The following DCAF13 variants were observed in gnomAD, a reference collection of about 807,000 sequenced individuals.
DCAF13 encodes DDB1- and CUL4-associated factor 13.
DCAF13 carries 38 observed loss-of-function variants against 59.0 expected under a neutral mutation model. The observed-to-expected ratio is 0.64, with a 90% confidence interval of 0.50 to 0.84. The LOEUF (loss-of-function observed/expected upper bound fraction) is 0.84, where lower values mean the gene tolerates loss of function less well. Ranked by LOEUF, DCAF13 falls within the 40% of genes least tolerant of loss-of-function variation. The pLI is 0.00. For missense variants in DCAF13, 469 were observed against 558.4 expected (o/e 0.84, Z 1.61); for synonymous variants, 173 against 175.0 (o/e 0.99, Z 0.09).
At chr8:103,425,701 C>T (rs957331278) in intron 3 of DCAF13, among the ~76,000 whole-genome samples, 1 of 152,116 alleles carries the variant, frequency 6.6e-6, no homozygotes, top group African/African-American at 2.4e-5. Flanking sequence ...CATAAGGCAT[C>T]AAATTGGCTC....
intron 8 of DCAF13, among the ~76,000 whole-genome samples, chr8:103,438,332 A>G (rs1816961223): frequency 6.6e-6 from 1 of 152,308 alleles, no homozygotes; most frequent in Non-Finnish European, 1.5e-5. Flanking sequence ...CTCTCTTTTA[A>G]AAATGAATTT....
chr8:103,430,742 T>A, intron 6 of DCAF13, 53 bp downstream of exon 6: 1 of 1,313,084 alleles, frequency 7.6e-7, no homozygotes, highest in Non-Finnish European at 1.1e-6. Context: ...TATATTTCTC[T>A]GTAAATAGAG....
At chr8:103,420,145 G>A in intron 1 of DCAF13, 119 bp from the exon 2 acceptor site, 1 of 866,700 alleles carries the variant, frequency 1.2e-6, no homozygotes, top group Non-Finnish European at 1.8e-6. Context: ...TGTATTCTTA[G>A]TGTTAGGCAT....
In DCAF13 at chr8:103,441,533, C is replaced by T. The variant is rs560959426; in HGVS notation, c.1165C>T (p.Arg389Cys). ...EKFQHYPHIK[R>C]IARHRHLPKS... is the part of the protein sequence containing the mutation. ...ATTTCAGCATTATCCTCATATAAAA[C>T]GTATAGCTCGTCATCGACATCTACC... The change falls in exon 10 of 11, where the codon CGT (arginine) becomes TGT (cysteine). Residue 389 changes from arginine (R) to cysteine (C), a missense_variant. Transcript: ENST00000612750. 9.3e-6 allele frequency: 15 copies of T among 1,608,512 alleles called. No homozygotes were observed. Among genetic ancestry groups the T allele is most frequent in the African/African-American group, 1.3e-5 (1 of 74,498 alleles).
Position 103,441,500 on chromosome 8 carries a change from A to T in DCAF13, c.1132A>T (p.Lys378Ter), listed in dbSNP as rs1057329310. 6.2e-7 allele frequency: 1 copy of T among 1,600,092 alleles called. No individual in the cohort carries two copies. The highest frequency in any genetic ancestry group is 1.4e-5 in the African/African-American group (1 of 73,992). Residue 378 changes from lysine to a stop codon, truncating the protein, a stop_gained, in exon 10 of 11, where the codon AAG (lysine) becomes TAG (stop). Transcript: ENST00000612750. LOFTEE classifies it high-confidence loss of function. ...KAAKDYNQKL[K>*]EKFQHYPHIK... is the part of the protein sequence containing the mutation. The stretch of plus-strand genomic sequence containing the variant: ...AGCCAAGGATTATAACCAGAAATTG[A>T]AGGAGAAATTTCAGCATTATCCTCA...
At chr8:103,434,160 T>G (rs1184841664) in intron 7 of DCAF13, among the ~76,000 whole-genome samples, 1 of 152,080 alleles carries the variant, frequency 6.6e-6, no homozygotes, top group African/African-American at 2.4e-5. Flanking sequence ...TTTATTGCCC[T>G]TTAGATATTC....
At chr8:103,416,855 T>C (rs1293512950) in intron 1 of DCAF13, among the ~76,000 whole-genome samples, 3 of 152,236 alleles carry the variant, frequency 2.0e-5, no homozygotes, top group Admixed American at 1.3e-4. Context: ...AGAAACAAAA[T>C]GATCTATCTT....
At chr8:103,441,647 C>T in intron 10 of DCAF13, 29 bp downstream of exon 10, 1 of 1,600,970 alleles carries the variant, frequency 6.2e-7, no homozygotes, top group Non-Finnish European at 8.5e-7. Context: ...GACTCTATTA[C>T]CCTTTTCTGA....
chr8:103,440,208 G>T lies in DCAF13; in HGVS notation c.1023G>T (p.Met341Ile), dbSNP rs200528280. Residue 341 changes from methionine to isoleucine, a missense_variant, in exon 9 of 11, where the codon ATG becomes ATT. Coordinates refer to ENST00000612750, the MANE Select transcript of DCAF13 (RefSeq NM_015420.7). The stretch of plus-strand genomic sequence containing the variant: ...GGACTTCTGACAGCAAGTATATTAT[G>T]TGTGGATCTGATGAAATGAACATTC... ...VKWTSDSKYI[M>I]CGSDEMNIRL... The T allele has an allele frequency of 6.2e-7, 1 of 1,605,338 alleles. No homozygotes were observed. Among genetic ancestry groups the T allele is most frequent in the South Asian group, 1.1e-5 (1 of 89,634 alleles).
intron 4 of DCAF13, among the ~76,000 whole-genome samples, chr8:103,426,807 A>T (rs1038554838): frequency 6.6e-6 from 1 of 152,106 alleles, no homozygotes; most frequent in Non-Finnish European, 1.5e-5. Context: ...TTAGGTTTCA[A>T]GAAGACTAAA....
intron 2 of DCAF13, 21 bp downstream of exon 2, chr8:103,420,484 T>C: frequency 6.3e-7 from 1 of 1,599,582 alleles, no homozygotes; most frequent in Non-Finnish European, 8.5e-7. Flanking sequence ...ATCTAGATGA[T>C]ATTTTCAACT....
chr8:103,423,834 A>G (rs1816754316), intron 3 of DCAF13, among the ~76,000 whole-genome samples: 1 of 152,118 alleles, frequency 6.6e-6, no homozygotes, highest in African/African-American at 2.4e-5. Context: ...ATGAATAAAG[A>G]CTGAAAATGT....
rs149585075 is a variant in DCAF13, at chr8:103,425,877, G to A, written c.379-179G>A. On this transcript the variant is annotated intron_variant, in intron 3 of 10. Transcript: ENST00000612750. Reference sequence around the variant, plus strand: ...ATATTTTTAGTTTTATGTACTTTATGTATTTGTCACAAATCTTTACTAAAA... The same window carrying A: ...ATATTTTTAGTTTTATGTACTTTATATATTTGTCACAAATCTTTACTAAAA... Among the ~76,000 whole-genome samples the A allele has an allele frequency of 1.6e-3, 244 of 152,020 alleles. 1 individual carries two copies. Among genetic ancestry groups the A allele is most frequent in the Non-Finnish European group, 1.3e-3 (91 of 67,960 alleles).
At chr8:103,441,849 T>A (rs949458651) in intron 10 of DCAF13, 7 of 423,196 alleles carry the variant, frequency 1.7e-5, no homozygotes, top group Middle Eastern at 1.2e-3. Context: ...CACTGCAAGC[T>A]CCGCCTCCCG....
chr8:103,431,024 ATAT>A, intron 6 of DCAF13, among the ~76,000 whole-genome samples: 1 of 152,284 alleles, frequency 6.6e-6, no homozygotes, highest in South Asian at 2.1e-4. Flanking sequence ...TATTCAAATA[ATAT>A]TCAATAAATT....
chr8:103,424,652 T>C (rs1278022132), intron 3 of DCAF13, among the ~76,000 whole-genome samples: 1 of 152,202 alleles, frequency 6.6e-6, no homozygotes, highest in Non-Finnish European at 1.5e-5. Context: ...AGCTTGGTCA[T>C]TTACAAGCAA....
chr8:103,424,314 G>T (rs1028623623), intron 3 of DCAF13, among the ~76,000 whole-genome samples: 1 of 152,178 alleles, frequency 6.6e-6, no homozygotes, highest in African/African-American at 2.4e-5. Flanking sequence ...GGCGCGAGCC[G>T]CCATGCCCAA....
At chr8:103,417,776 C>A (rs1280301795) in intron 1 of DCAF13, among the ~76,000 whole-genome samples, 2 of 151,888 alleles carry the variant, frequency 1.3e-5, no homozygotes, top group Non-Finnish European at 2.9e-5. Flanking sequence ...ATATAGGGAG[C>A]CTTTGGAAGT....
rs944317482 is a variant in DCAF13 at position 103,421,022 on chromosome 8, A to G, written c.318A>G (p.Gln106=). 1 of 1,613,924 alleles carries G rather than the reference A, an allele frequency of 6.2e-7. No homozygotes were observed. Among genetic ancestry groups the G allele is most frequent in the Non-Finnish European group, 8.5e-7 (1 of 1,179,872 alleles). Residue 106 remains glutamine, a synonymous_variant, in exon 3 of 11, where the codon CAA becomes CAG. Coordinates refer to ENST00000612750, the MANE Select transcript of DCAF13 (RefSeq NM_015420.7). ...AGCGGAATTGTATCCGTACAATACA[A>G]GCACATGAAGGCTTTGTACGAGGAA... ...LTQRNCIRTI[Q]AHEGFVRGIC...
Sources: gnomAD v4.1 joint callset for allele counts (sites outside exome capture counted in the v4.1 genomes callset) on GRCh38, gnomAD v4.1.1 for gene constraint, MANE v1.5 for transcripts, NCBI Gene and HGNC (gene_info 2026-07-23, HGNC 2026-07-21) for gene names.